Variants in ZNF473 observed in about 807,000 individuals in gnomAD.
ZNF473 encodes zinc finger protein 473.
Under a neutral mutation model 11.1 loss-of-function variants are expected in ZNF473, and 4 were observed. That is an observed-to-expected ratio of 0.36 (90% CI 0.18 to 0.82). ZNF473 has a LOEUF of 0.82. ZNF473 is among the 40% of genes least tolerant of loss of function. The pLI is 0.49. For synonymous variants in ZNF473, 404 were observed against 390.4 expected, an observed-to-expected ratio of 1.03 and a Z score of -0.41; for missense variants, 854 against 1,084.0, an observed-to-expected ratio of 0.79 and a Z score of 2.98.
In ZNF473 at chr19:50,045,314, C is replaced by A; in HGVS notation, c.871C>A (p.Pro291Thr). 1.2e-6 allele frequency: 2 copies of A among 1,614,106 alleles called. No homozygotes were observed. The highest frequency in any genetic ancestry group is 1.1e-5 in the South Asian group (1 of 91,082). The change falls in exon 5 of 5, where the codon CCA (proline) becomes ACA (threonine). Residue 291 changes from proline to threonine, a missense_variant. Transcript: ENST00000270617. ...TCAGAAAACTCACACTGGAGAAAAA[C>A]CATGTAAGAGTCAAGATAGTGACCA... ...WHQKTHTGEK[P>T]CKSQDSDHPP...
At chr19:50,031,220 C>T (rs2077316362) in intron 2 of ZNF473, 129 bp downstream of exon 2, 1 of 1,321,730 alleles carries the variant, frequency 7.6e-7, no homozygotes, top group Admixed American at 2.0e-5. Context: ...GAAAGCTGGC[C>T]TTCCTTTGTT....
At chr19:50,028,328 T>C (rs1015226838) in intron 1 of ZNF473, among the ~76,000 whole-genome samples, 1 of 151,824 alleles carries the variant, frequency 6.6e-6, no homozygotes, top group Non-Finnish European at 1.5e-5. Flanking sequence ...ATTTAATTTT[T>C]TTTTGGAGGC....
In ZNF473 at chr19:50,045,058, G is replaced by A. The variant is rs1434254422; in HGVS notation, c.615G>A (p.Gly205=). ...GCCAGCAGGATTCTGTTCAGGAAGGGGAGAAACCATATCAATGTAGTGAAT... is the reference window on the plus strand; with the variant it reads ...GCCAGCAGGATTCTGTTCAGGAAGGAGAGAAACCATATCAATGTAGTGAAT... ...DHSQQDSVQE[G]EKPYQCSECG... is the part of the protein sequence containing the mutation. Residue 205 remains glycine (G), a synonymous_variant, in exon 5 of 5, where the codon GGG becomes GGA. Transcript: ENST00000270617. 3 of 1,614,174 alleles carry A rather than the reference G, an allele frequency of 1.9e-6. No individual in the cohort carries two copies. In the South Asian group the frequency reaches 3.3e-5, roughly 18 times the overall value.
chr19:50,046,951 C>T lies in ZNF473; in HGVS notation c.2508C>T (p.His836=). 3.1e-6 allele frequency: 5 copies of T among 1,614,184 alleles called. No homozygotes were observed. Among genetic ancestry groups the T allele is most frequent in the Non-Finnish European group, 3.4e-6 (4 of 1,180,046 alleles). The change falls in exon 5 of 5, where the codon CAC becomes CAT. Residue 836 remains histidine (H), a synonymous_variant. Coordinates refer to ENST00000270617, the MANE Select transcript of ZNF473 (RefSeq NM_015428.4). The surrounding 1 kb of genome is among the most constrained non-coding windows in gnomAD (Gnocchi z 5.9). ...SAHLNQHLRV[H]TQETLYQCQR... Reference sequence around the variant, plus strand: ...ATCTCAACCAGCACCTGAGAGTTCACACCCAGGAGACACTTTATCAGTGTC... The same window carrying T: ...ATCTCAACCAGCACCTGAGAGTTCATACCCAGGAGACACTTTATCAGTGTC...
At chr19:50,031,996 G>A (rs376615551) in intron 2 of ZNF473, among the ~76,000 whole-genome samples, 1 of 151,630 alleles carries the variant, frequency 6.6e-6, no homozygotes, top group African/African-American at 2.4e-5. Flanking sequence ...GTGTCTCTCC[G>A]TCAGACCATG....
intron 2 of ZNF473, among the ~76,000 whole-genome samples, chr19:50,034,556 G>T (rs1158931707): frequency 6.6e-6 from 1 of 151,288 alleles, no homozygotes; most frequent in Admixed American, 6.6e-5. Flanking sequence ...TAGCCCTCTC[G>T]CATCCCCAAT....
Position 50,048,206 on chromosome 19 carries a change from G to T in ZNF473, c.*1147G>T, listed in dbSNP as rs746522420. 1 of 152,202 alleles carries T rather than the reference G, an allele frequency of 6.6e-6. No homozygotes were observed. The highest frequency in any genetic ancestry group is 1.5e-5 in the Non-Finnish European group (1 of 68,032). 9.4% of individuals were successfully genotyped at this position (152,202 alleles called of 1,614,324 possible). A position where few individuals can be genotyped will look rare whatever the true frequency, so the allele number is the denominator to read the frequency against. Reference sequence around the variant, plus strand: ...GTTCTGGGATCACCAAGGATTGTTGGAGAGTCCAGTGAGATGGAACCACAC... The same window carrying T: ...GTTCTGGGATCACCAAGGATTGTTGTAGAGTCCAGTGAGATGGAACCACAC... On this transcript the variant is annotated 3_prime_UTR_variant, in exon 5 of 5. Coordinates refer to ENST00000270617, the MANE Select transcript of ZNF473 (RefSeq NM_015428.4).
Position 50,033,668 on chromosome 19 carries a change from C to T in ZNF473, c.9+2577C>T, listed in dbSNP as rs575253248. Among the ~76,000 whole-genome samples the T allele has an allele frequency of 7.2e-5, 11 of 152,278 alleles. No homozygotes were observed. The South Asian group carries it at 2.1e-3, about 29-fold the overall frequency. On this transcript the variant is annotated intron_variant, in intron 2 of 4. Transcript: ENST00000270617. ...CTTCAGGTCTGAATCCCAAAATGAT[C>T]TCACGGGGCTCAAACCAAGGTGTCA...
intron 1 of ZNF473, among the ~76,000 whole-genome samples, chr19:50,027,397 G>C (rs546959373): frequency 6.6e-6 from 1 of 152,302 alleles, no homozygotes; most frequent in East Asian, 1.9e-4. Flanking sequence ...CTAAGGCTTA[G>C]AGAAGGTAAA....
Position 50,047,017 on chromosome 19 carries a change from C to G in ZNF473, c.2574C>G (p.Ser858Arg). ...QKAFRCHSSL[S>R]RHQRVHNKQQ... is the part of the protein sequence containing the mutation. Reference sequence around the variant, plus strand: ...CCTTTCGGTGCCACTCGAGCCTCAGCCGCCATCAGCGTGTACACAACAAGC... The same window carrying G: ...CCTTTCGGTGCCACTCGAGCCTCAGGCGCCATCAGCGTGTACACAACAAGC... Residue 858 changes from serine (S) to arginine (R), a missense_variant, in exon 5 of 5, where the codon AGC (serine) becomes AGG (arginine). Physicochemically the swap from Ser to Arg is moderately radical, Grantham distance 110 (BLOSUM62 -1). Transcript: ENST00000270617. 1.2e-6 allele frequency: 2 copies of G among 1,613,848 alleles called. No homozygotes were observed. The highest frequency in any genetic ancestry group is 1.7e-6 in the Non-Finnish European group (2 of 1,179,996).
At chr19:50,041,860 T>G (rs1487654968) in intron 4 of ZNF473, 41 bp downstream of exon 4, 2 of 1,518,432 alleles carry the variant, frequency 1.3e-6, no homozygotes, top group Non-Finnish European at 1.8e-6. Flanking sequence ...CCTTCTGTCT[T>G]CCAGACCTCC....
At chr19:50,026,386 AC>A (rs1306446978) in intron 1 of ZNF473, among the ~76,000 whole-genome samples, 2 of 152,030 alleles carry the variant, frequency 1.3e-5, no homozygotes, top group Non-Finnish European at 2.9e-5. Context: ...CCCAGTCTCT[AC>A]TAAAAATACA....
Position 50,045,345 on chromosome 19 carries a change from C to G in ZNF473, c.902C>G (p.Pro301Arg). The G allele has an allele frequency of 5.6e-6, 9 of 1,614,108 alleles. No individual in the cohort carries two copies. Among genetic ancestry groups the G allele is most frequent in the Non-Finnish European group, 7.6e-6 (9 of 1,180,022 alleles). Residue 301 changes from proline (P) to arginine (R), a missense_variant, in exon 5 of 5, where the codon CCC becomes CGC. This residue lies in a region of ZNF473 where 668 missense variants were observed against 790.2 expected (regional missense o/e 0.85). Transcript: ENST00000270617. ...PCKSQDSDHPPSHDTQPGEHQ... is the reference protein window; with the variant it reads ...PCKSQDSDHPRSHDTQPGEHQ... Reference sequence around the variant, plus strand: ...AAGAGTCAAGATAGTGACCACCCACCCAGTCATGACACACAGCCTGGTGAG... The same window carrying G: ...AAGAGTCAAGATAGTGACCACCCACGCAGTCATGACACACAGCCTGGTGAG...
Position 50,045,264 on chromosome 19 carries a change from T to C in ZNF473, c.821T>C (p.Phe274Ser). 6.2e-7 allele frequency: 1 copy of C among 1,614,144 alleles called. No homozygotes were observed. The highest frequency in any genetic ancestry group is 8.5e-7 in the Non-Finnish European group (1 of 1,180,024). ...FYVCNEYGTT[F>S]SQSTYLWHQK... ...GTGTGTAATGAATATGGGACAACTT[T>C]TAGTCAGAGTACATACCTGTGGCAT... Residue 274 changes from phenylalanine (F) to serine (S), a missense_variant, in exon 5 of 5, where the codon TTT (phenylalanine) becomes TCT (serine). By Grantham distance (155) the Phe-to-Ser change is radical (BLOSUM62 -2). Coordinates refer to ENST00000270617, the MANE Select transcript of ZNF473 (RefSeq NM_015428.4).
At chr19:50,043,219 G>A (rs1165721482) in intron 4 of ZNF473, 2 of 151,930 alleles carry the variant, frequency 1.3e-5, no homozygotes, top group African/African-American at 4.8e-5. Flanking sequence ...CCGGTCACTT[G>A]AGGTCAGGAG....
At position 50,047,668 on chromosome 19, in the gene ZNF473, G is replaced by A. The variant is rs984995526; in HGVS notation, c.*609G>A. On this transcript the variant is annotated 3_prime_UTR_variant, in exon 5 of 5. Coordinates refer to ENST00000270617, the MANE Select transcript of ZNF473 (RefSeq NM_015428.4). ...TTATCTCTCCTGGTTTTTTTCTTAAGCCCCAGAAAGCCAAAAAGAACATGT... is the reference window on the plus strand; with the variant it reads ...TTATCTCTCCTGGTTTTTTTCTTAAACCCCAGAAAGCCAAAAAGAACATGT... The A allele has an allele frequency of 6.6e-6, 1 of 151,676 alleles. No homozygotes were observed. Among genetic ancestry groups the A allele is most frequent in the Non-Finnish European group, 1.5e-5 (1 of 68,098 alleles). 9.4% of individuals were successfully genotyped at this position (151,676 alleles called of 1,614,324 possible).
At chr19:50,044,521 C>T (rs1978952736) in intron 4 of ZNF473, 149 bp from the exon 5 acceptor site, 1 of 632,502 alleles carries the variant, frequency 1.6e-6, no homozygotes, top group African/African-American at 1.8e-5. Context: ...GGAATGGGCT[C>T]TGTCTGTTTT....
intron 1 of ZNF473, among the ~76,000 whole-genome samples, chr19:50,026,822 A>C (rs2077284610): frequency 6.6e-6 from 1 of 152,122 alleles, no homozygotes; most frequent in African/African-American, 2.4e-5. Context: ...AAAACTGCTA[A>C]AGGGGTTTCC....
In ZNF473 at chr19:50,039,428, G is replaced by A. The variant is rs1393201840; in HGVS notation, c.136+141G>A. On this transcript the variant is annotated intron_variant, in intron 3 of 4. Transcript: ENST00000270617. The surrounding 1 kb of genome is among the most constrained non-coding windows in gnomAD (Gnocchi z 4.8). ...CTAGCCCAGCAGTTCTCAGCTGGCC[G>A]AGGAGACATTGGCAATGTGTGGAGA... 3.4e-6 allele frequency: 4 copies of A among 1,160,900 alleles called. No individual in the cohort carries two copies. In the African/African-American group the frequency reaches 4.6e-5, roughly 13 times the overall value. The allele number at this position is 1,160,900 out of a possible 1,614,324, so 71.9% of individuals were successfully genotyped here. A position where few individuals can be genotyped will look rare whatever the true frequency, so the allele number is the denominator to read the frequency against.
Sources: allele counts gnomAD v4.1 joint callset (sites outside exome capture counted in the v4.1 genomes callset), GRCh38; gene constraint gnomAD v4.1.1; regional missense constraint gnomAD v4.1.1; non-coding constraint Gnocchi (gnomAD v3.1); transcripts MANE v1.5; gene names NCBI Gene and HGNC (gene_info 2026-07-23, HGNC 2026-07-21).